SYT2: variants seen among roughly 807,000 people sequenced by gnomAD.
The protein encoded by SYT2 is synaptotagmin-2.
A neutral mutation model predicts 39.9 loss-of-function variants in SYT2; 15 were observed. The observed-to-expected ratio is 0.38, with a 90% confidence interval of 0.25 to 0.58. SYT2 has a LOEUF of 0.58. Ranked by LOEUF, SYT2 falls within the 20% of genes least tolerant of loss-of-function variation. The pLI, the probability that SYT2 is intolerant of heterozygous loss-of-function variation, is 0.70. For synonymous variants in SYT2, 181 were observed against 204.5 expected, an observed-to-expected ratio of 0.89 and a Z score of 0.98; for missense variants, 389 against 530.3, an observed-to-expected ratio of 0.73 and a Z score of 2.62.
At position 202,613,067 on chromosome 1, in the gene SYT2, C is replaced by CTTTTTTTTTTTTTTTTTTTT. The variant is rs1690930669; in HGVS notation, c.-17-7279_-17-7278insAAAAAAAAAAAAAAAAAAAA. ...CACATTGCCGAACTCATTGGTTCTT[C>CTTTTTTTTTTTTTTTTTTTT]CTTTTTTTTTTTTTTTTTTTTTTTT... On this transcript the variant is annotated intron_variant, in intron 1 of 8. Transcript: ENST00000367268. Among the ~76,000 whole-genome samples, 2 of 121,604 alleles carry CTTTTTTTTTTTTTTTTTTTT rather than the reference C, an allele frequency of 1.6e-5. 1 individual carries two copies. 79.8% of individuals were successfully genotyped at this position (121,604 alleles called of 152,430 possible).
intron 6 of SYT2, among the ~76,000 whole-genome samples, chr1:202,600,756 G>T (rs1176546150): frequency 1.3e-5 from 2 of 152,182 alleles, no homozygotes; most frequent in African/African-American, 4.8e-5. Flanking sequence ...GCGGTGGCAG[G>T]ACTGAGGGAG....
chr1:202,618,068 A>G (rs1691095737), intron 1 of SYT2, among the ~76,000 whole-genome samples: 1 of 151,974 alleles, frequency 6.6e-6, no homozygotes, highest in South Asian at 2.1e-4. Flanking sequence ...CGCCTGGCTA[A>G]TTTGTTGTAG....
chr1:202,644,015 T>C (rs1692015968), intron 1 of SYT2, among the ~76,000 whole-genome samples: 1 of 152,084 alleles, frequency 6.6e-6, no homozygotes, highest in Admixed American at 6.5e-5. Context: ...AAGGTTTTCC[T>C]GAGTCAAGGG....
At chr1:202,606,759 T>C (rs1967488) in intron 1 of SYT2, among the ~76,000 whole-genome samples, 64,548 of 152,006 alleles carry the variant, frequency 0.42, 16,015 homozygotes, top group Non-Finnish European at 0.56. Flanking sequence ...CCAGACTTAC[T>C]GTAGAAAATT....
rs1691419843 is a variant in SYT2 at position 202,626,519 on chromosome 1, A to G, written c.-17-20730T>C. On this transcript the variant is annotated intron_variant, in intron 1 of 8. Coordinates refer to ENST00000367268, the MANE Select transcript of SYT2 (RefSeq NM_177402.5). ...GACCCCCACGAGTAGCTGGGACTAC[A>G]GGCGTACCACCATGCCCGGCTCTTT... 2.7e-5 allele frequency among the ~76,000 whole-genome samples: 4 copies of G among 148,738 alleles called. No homozygotes were observed. The Admixed American group carries it at 2.8e-4, about 10-fold the overall frequency.
intron 1 of SYT2, among the ~76,000 whole-genome samples, chr1:202,607,205 T>A (rs948104213): frequency 6.6e-6 from 1 of 152,176 alleles, no homozygotes; most frequent in African/African-American, 2.4e-5. Context: ...TGAGGGCAGA[T>A]CCTGTGTTGG....
chr1:202,641,763 T>C (rs1572650787), intron 1 of SYT2, among the ~76,000 whole-genome samples: 1 of 152,254 alleles, frequency 6.6e-6, no homozygotes, highest in Admixed American at 6.5e-5. Context: ...GCAGACCGCA[T>C]GACCTTGTGA....
chr1:202,619,274 G>A (rs1414338570), intron 1 of SYT2, among the ~76,000 whole-genome samples: 1 of 152,226 alleles, frequency 6.6e-6, no homozygotes, highest in East Asian at 1.9e-4. Context: ...GGGCTCCCAG[G>A]ACAGAGTGAA....
rs60259163 is a variant in SYT2, at chr1:202,596,308, T to TACACACACACAC, written c.*437_*448dup. On this transcript the variant is annotated 3_prime_UTR_variant, in exon 9 of 9. Coordinates refer to ENST00000367268, the MANE Select transcript of SYT2 (RefSeq NM_177402.5). ...ACACACACACACACACACACACACA[T>TACACACACACAC]ACACACACACACACACACACACACA... 819 of 87,942 alleles carry TACACACACACAC rather than the reference T, an allele frequency of 9.3e-3. 5 individuals are homozygous for TACACACACACAC. Among genetic ancestry groups the TACACACACACAC allele is most frequent in the South Asian group, 0.019 (39 of 2,098 alleles). The allele number at this position is 87,942 out of a possible 1,614,324, so 5.4% of individuals were successfully genotyped here.
intron 1 of SYT2, among the ~76,000 whole-genome samples, chr1:202,611,705 T>C (rs1235728376): frequency 1.3e-5 from 2 of 152,214 alleles, no homozygotes; most frequent in Non-Finnish European, 2.9e-5. Flanking sequence ...GTTTTCAATT[T>C]TGATGATGTC....
intron 1 of SYT2, among the ~76,000 whole-genome samples, chr1:202,661,747 G>A (rs577344010): frequency 2.0e-5 from 3 of 152,334 alleles, no homozygotes; most frequent in East Asian, 1.9e-4. Flanking sequence ...TTTCTAAAGC[G>A]CAAAGGGCTT....
At chr1:202,655,976 C>T (rs997997911) in intron 1 of SYT2, among the ~76,000 whole-genome samples, 1 of 152,100 alleles carries the variant, frequency 6.6e-6, no homozygotes, top group Non-Finnish European at 1.5e-5. Context: ...CCTGTCTGAG[C>T]AGCAACAGGT....
chr1:202,707,806 T>C (rs1654291587), intron 1 of SYT2, among the ~76,000 whole-genome samples: 1 of 152,208 alleles, frequency 6.6e-6, no homozygotes, highest in Non-Finnish European at 1.5e-5. Flanking sequence ...GAGGTCAGGC[T>C]TGCCTAGGGG....
intron 1 of SYT2, among the ~76,000 whole-genome samples, chr1:202,637,436 T>C (rs763951807): frequency 6.6e-6 from 1 of 152,336 alleles, no homozygotes; most frequent in East Asian, 1.9e-4. Context: ...AAAGTACGCA[T>C]GCAAGAAGTC....
intron 1 of SYT2, among the ~76,000 whole-genome samples, chr1:202,640,734 C>CAGAGAGAGAGAGAGAGAGAGAGAG: frequency 1.1e-5 from 1 of 90,670 alleles, no homozygotes; most frequent in Non-Finnish European, 2.4e-5. Context: ...TCCTAATGGT[C>CAGAGAGAGAGAGAGAGAGAGAGAG]AGAGAGAGAG....
chr1:202,665,967 C>A (rs542210659), intron 1 of SYT2, among the ~76,000 whole-genome samples: 1 of 152,080 alleles, frequency 6.6e-6, no homozygotes, highest in South Asian at 2.1e-4. Flanking sequence ...TCCTGGCTAA[C>A]ATGGTGAAAC....
intron 1 of SYT2, among the ~76,000 whole-genome samples, chr1:202,683,444 AAG>A (rs1368222891): frequency 1.3e-5 from 2 of 152,216 alleles, no homozygotes; most frequent in Non-Finnish European, 2.9e-5. Context: ...CCAGTCACAA[AAG>A]AGTGTATACT....
chr1:202,667,466 CGTGTGTGTGT>C (rs35072265), intron 1 of SYT2, among the ~76,000 whole-genome samples: 16,551 of 140,684 alleles, frequency 0.12, 1,104 homozygotes, highest in East Asian at 0.25. Flanking sequence ...AGTGACCAGC[CGTGTGTGTGT>C]GTGTGTGTGT....
intron 1 of SYT2, among the ~76,000 whole-genome samples, chr1:202,677,988 T>C (rs914894051): frequency 2.2e-4 from 33 of 152,288 alleles, no homozygotes; most frequent in African/African-American, 7.5e-4. Flanking sequence ...AAATGGATGA[T>C]TGGGGCCAGG....
Sources: allele counts gnomAD v4.1 joint callset (sites outside exome capture counted in the v4.1 genomes callset), GRCh38; gene constraint gnomAD v4.1.1; transcripts MANE v1.5; gene names NCBI Gene and HGNC (gene_info 2026-07-23, HGNC 2026-07-21).